The following SPIRE1 variants were observed in gnomAD, a reference collection of about 807,000 sequenced individuals.
SPIRE1 encodes the protein protein spire homolog 1.
SPIRE1 carries 40 observed loss-of-function variants against 94.1 expected under a neutral mutation model. The observed-to-expected ratio is 0.43, with a 90% CI of 0.33 to 0.55. The LOEUF (loss-of-function observed/expected upper bound fraction) is 0.55. Among genes scored for constraint, SPIRE1 ranks in the 20% least tolerant of loss-of-function variants. SPIRE1 has a pLI of 0.06. For missense variants in SPIRE1, 838 were observed against 975.2 expected (o/e 0.86, Z 1.87); for synonymous variants, 376 against 371.7 (o/e 1.01, Z -0.13).
intron 2 of SPIRE1, among the ~76,000 whole-genome samples, chr18:12,563,370 GC>G (rs2035740886): frequency 6.6e-6 from 1 of 151,828 alleles, no homozygotes; most frequent in Non-Finnish European, 1.5e-5. Context: ...GAGTGCATTG[GC>G]CCTTCATAGG....
At chr18:12,459,896 C>T (rs1326078762) in intron 12 of SPIRE1, 10 of 985,686 alleles carry the variant, frequency 1.0e-5, no homozygotes, top group East Asian at 1.1e-4. Flanking sequence ...GTCGAAAAGG[C>T]GTCCTTGGCC....
At chr18:12,487,401 T>TC (rs1702478602) in intron 8 of SPIRE1, among the ~76,000 whole-genome samples, 1 of 124,356 alleles carries the variant, frequency 8.0e-6, no homozygotes, top group Admixed American at 8.4e-5. Flanking sequence ...TTATTTTCTT[T>TC]CTTTTTTTTT....
Position 12,633,035 on chromosome 18 carries a change from A to C in SPIRE1, c.372+2027T>G, listed in dbSNP as rs934899307. Reference sequence around the variant, plus strand: ...TATATAGTATCTCTTTAAAAATTTCATAAGCTATGAGGTTAATACAAATTA... The same window carrying C: ...TATATAGTATCTCTTTAAAAATTTCCTAAGCTATGAGGTTAATACAAATTA... On this transcript the variant is annotated intron_variant, in intron 2 of 16. Coordinates refer to ENST00000409402, the MANE Select transcript of SPIRE1 (RefSeq NM_001128626.2). 2.0e-5 allele frequency among the ~76,000 whole-genome samples: 3 copies of C among 152,330 alleles called. No homozygotes were observed. In the South Asian group the frequency reaches 6.2e-4, roughly 32 times the overall value.
At chr18:12,532,845 A>T (rs2034724460) in intron 4 of SPIRE1, among the ~76,000 whole-genome samples, 1 of 152,218 alleles carries the variant, frequency 6.6e-6, no homozygotes, top group South Asian at 2.1e-4. Context: ...CTAGGAAGTC[A>T]CTCAAGATGA....
intron 2 of SPIRE1, among the ~76,000 whole-genome samples, chr18:12,552,865 G>C (rs1464923965): frequency 6.6e-6 from 1 of 152,068 alleles, no homozygotes; most frequent in Admixed American, 6.5e-5. Context: ...TCTTTAACTC[G>C]GTGTCTGAGG....
intron 2 of SPIRE1, among the ~76,000 whole-genome samples, chr18:12,628,972 G>C (rs553822931): frequency 8.6e-4 from 131 of 152,298 alleles, no homozygotes; most frequent in Non-Finnish European, 7.9e-4. Flanking sequence ...ATGTGAACAT[G>C]AGTCTTTTTA....
chr18:12,634,287 A>AATG (rs1156379278), intron 2 of SPIRE1, among the ~76,000 whole-genome samples: 1 of 150,932 alleles, frequency 6.6e-6, no homozygotes, highest in African/African-American at 2.4e-5. Flanking sequence ...TAATAATAAT[A>AATG]AACCTACTTG....
intron 2 of SPIRE1, among the ~76,000 whole-genome samples, chr18:12,551,345 T>C (rs1200482701): frequency 1.3e-5 from 2 of 152,192 alleles, no homozygotes. Context: ...TTCCTTTTTG[T>C]ATATATAAAA....
At chr18:12,457,592 C>A (rs2143548061) in intron 12 of SPIRE1, among the ~76,000 whole-genome samples, 1 of 152,292 alleles carries the variant, frequency 6.6e-6, no homozygotes, top group Admixed American at 6.5e-5. Context: ...GTCAATGGGA[C>A]TCCCAGATTC....
chr18:12,659,129 T>A (rs569794766), upstream of SPIRE1, among the ~76,000 whole-genome samples: 7 of 152,348 alleles, frequency 4.6e-5, no homozygotes, highest in South Asian at 1.4e-3. Context: ...GCTAGTCCTG[T>A]GTGAAAGCCC....
At chr18:12,461,471 T>TGTATGC (rs2031822475) in intron 12 of SPIRE1, among the ~76,000 whole-genome samples, 1 of 151,020 alleles carries the variant, frequency 6.6e-6, no homozygotes, top group Admixed American at 6.6e-5. Flanking sequence ...TGTACATATG[T>TGTATGC]ACGTACATAC....
chr18:12,574,339 C>G (rs933299861), intron 2 of SPIRE1, among the ~76,000 whole-genome samples: 6 of 152,218 alleles, frequency 3.9e-5, no homozygotes, highest in African/African-American at 1.4e-4. Flanking sequence ...AAATAGGAGG[C>G]TACTGCAGTA....
chr18:12,546,044 C>CAGTG (rs1006206845), intron 3 of SPIRE1, among the ~76,000 whole-genome samples: 3 of 152,110 alleles, frequency 2.0e-5, no homozygotes, highest in Admixed American at 2.0e-4. Context: ...GGCTGAAGTG[C>CAGTG]AGTGGCGTGA....
chr18:12,600,655 C>T (rs959012272), intron 2 of SPIRE1, among the ~76,000 whole-genome samples: 17 of 152,078 alleles, frequency 1.1e-4, no homozygotes, highest in Admixed American at 6.5e-4. Context: ...CATTTATTCA[C>T]GTATTTAGAG....
chr18:12,611,483 T>C (rs1324639170), intron 2 of SPIRE1, among the ~76,000 whole-genome samples: 1 of 152,186 alleles, frequency 6.6e-6, no homozygotes, highest in South Asian at 2.1e-4. Flanking sequence ...AAGTGAGCCA[T>C]CTCAGAGGCA....
At chr18:12,493,309 G>T in intron 7 of SPIRE1, 108 bp from the exon 8 acceptor site, 3 of 1,015,096 alleles carry the variant, frequency 3.0e-6, no homozygotes, top group African/African-American at 1.6e-5. Context: ...CTGGAACACT[G>T]CTTGATAAAA....
intron 13 of SPIRE1, 90 bp downstream of exon 13, chr18:12,454,256 A>C: frequency 6.8e-7 from 1 of 1,479,968 alleles, no homozygotes; most frequent in Non-Finnish European, 9.3e-7. Context: ...AGTCTGTGCC[A>C]CCTGGCTAGC....
intron 16 of SPIRE1, chr18:12,450,744 T>C: frequency 4.3e-6 from 3 of 691,958 alleles, no homozygotes; most frequent in Non-Finnish European, 7.8e-6. Flanking sequence ...TCTGGATTCT[T>C]CCTGCTCTGT....
intron 7 of SPIRE1, among the ~76,000 whole-genome samples, chr18:12,494,497 AT>A (rs1387767832): frequency 6.6e-6 from 1 of 151,774 alleles, no homozygotes; most frequent in African/African-American, 2.4e-5. Flanking sequence ...AAATAATATA[AT>A]TTACAGCTGG....
Sources: gnomAD v4.1 joint callset for allele counts (sites outside exome capture counted in the v4.1 genomes callset) on GRCh38, gnomAD v4.1.1 for gene constraint, MANE v1.5 for transcripts, NCBI Gene and HGNC (gene_info 2026-07-23, HGNC 2026-07-21) for gene names.